NRXN1: variants seen among roughly 807,000 people sequenced by gnomAD.
NRXN1 encodes the protein neurexin 1.
A neutral mutation model predicts 150.9 loss-of-function variants in NRXN1; 39 were observed. The observed-to-expected ratio is 0.26, with a 90% confidence interval of 0.20 to 0.34. The LOEUF is 0.34. Among genes scored for constraint, NRXN1 ranks in the 10% least tolerant of loss-of-function variants. NRXN1 has a pLI of 1.00. For synonymous variants in NRXN1, 924 were observed against 757.0 expected (o/e 1.22, Z -3.62); for missense variants, 1,815 against 1,949.9 (o/e 0.93, Z 1.30).
intron 18 of NRXN1, among the ~76,000 whole-genome samples, chr2:50,198,419 T>C (rs1050913586): frequency 3.3e-5 from 5 of 152,106 alleles, no homozygotes; most frequent in African/African-American, 9.7e-5. Flanking sequence ...GCACCATCCC[T>C]ATTACATCAC....
chr2:50,443,153 C>G (rs75379458), intron 17 of NRXN1, among the ~76,000 whole-genome samples: 1,793 of 151,992 alleles, frequency 0.012, 35 homozygotes, highest in African/African-American at 0.039. Context: ...TCAAGAGAAG[C>G]AATGTTTGGT....
chr2:50,679,277 T>G (rs1048955744), intron 5 of NRXN1, among the ~76,000 whole-genome samples: 3 of 152,114 alleles, frequency 2.0e-5, no homozygotes, highest in African/African-American at 7.2e-5. Flanking sequence ...GGAAGGATTC[T>G]TGGAGTATGG....
intron 5 of NRXN1, among the ~76,000 whole-genome samples, chr2:50,912,727 A>G (rs984011675): frequency 6.6e-6 from 1 of 150,544 alleles, no homozygotes; most frequent in Non-Finnish European, 1.5e-5. Flanking sequence ...TGGTTCTCCT[A>G]TGGGCTTTCT....
intron 17 of NRXN1, among the ~76,000 whole-genome samples, chr2:50,393,801 C>A (rs2081891555): frequency 6.6e-6 from 1 of 151,928 alleles, no homozygotes; most frequent in South Asian, 2.1e-4. Flanking sequence ...ATACAATTCC[C>A]AGGAAAAAAG....
chr2:50,600,340 T>TTG (rs1676043077), intron 8 of NRXN1, among the ~76,000 whole-genome samples: 1 of 150,068 alleles, frequency 6.7e-6, no homozygotes, highest in South Asian at 2.1e-4. Flanking sequence ...TTTTTTTTTT[T>TTG]TTGAGACAGA....
intron 5 of NRXN1, among the ~76,000 whole-genome samples, chr2:50,676,109 G>A (rs1689505706): frequency 6.6e-6 from 1 of 152,050 alleles, no homozygotes; most frequent in South Asian, 2.1e-4. Context: ...CCCTCCCAGA[G>A]CTAATGATTT....
At chr2:50,559,783 TAAC>T (rs1396845398) in intron 8 of NRXN1, among the ~76,000 whole-genome samples, 1 of 152,152 alleles carries the variant, frequency 6.6e-6, no homozygotes, top group Non-Finnish European at 1.5e-5. Context: ...GTCAGAGACA[TAAC>T]AAAATATAAA....
At chr2:50,975,408 A>G (rs1437218409) in intron 2 of NRXN1, among the ~76,000 whole-genome samples, 2 of 152,088 alleles carry the variant, frequency 1.3e-5, no homozygotes, top group Non-Finnish European at 2.9e-5. Context: ...ACATACACAC[A>G]TACAAGTCTC....
intron 2 of NRXN1, among the ~76,000 whole-genome samples, chr2:50,946,064 T>G (rs1690334911): frequency 6.6e-6 from 1 of 151,844 alleles, no homozygotes; most frequent in South Asian, 2.1e-4. Context: ...TACTCAGAGC[T>G]GATCCAGTAA....
chr2:50,550,876 T>A (rs1402732012), intron 9 of NRXN1, among the ~76,000 whole-genome samples: 2 of 151,630 alleles, frequency 1.3e-5, no homozygotes, highest in East Asian at 3.9e-4. Flanking sequence ...AGAGACGGGG[T>A]TTCACCATGT....
rs535091649 is a variant in NRXN1 at position 50,476,304 on chromosome 2, G to GT, written c.3071-3834dup. On this transcript the variant is annotated intron_variant, in intron 15 of 22. Coordinates refer to ENST00000401669, the MANE Select transcript of NRXN1 (RefSeq NM_001330078.2). ...TGATATCATGAGTATCCATTCCGCAGTAATTGAGCAGTAATGACTAGGGAA... is the reference window on the plus strand; with the variant it reads ...TGATATCATGAGTATCCATTCCGCAGTTAATTGAGCAGTAATGACTAGGGAA... Among the ~76,000 whole-genome samples, 209 of 152,222 alleles carry GT rather than the reference G, an allele frequency of 1.4e-3. 1 individual carries two copies. Among genetic ancestry groups the GT allele is most frequent in the Middle Eastern group, 3.4e-3 (1 of 294 alleles).
At chr2:50,748,042 C>T (rs1469673905) in intron 5 of NRXN1, among the ~76,000 whole-genome samples, 1 of 152,166 alleles carries the variant, frequency 6.6e-6, no homozygotes, top group East Asian at 1.9e-4. Context: ...GATAATCTCA[C>T]AAGCATCACT....
intron 21 of NRXN1, among the ~76,000 whole-genome samples, chr2:50,034,288 T>G (rs1456211051): frequency 2.0e-5 from 3 of 152,082 alleles, no homozygotes; most frequent in African/African-American, 7.2e-5. Flanking sequence ...GTGGTATATG[T>G]ACACCATGGA....
intron 5 of NRXN1, among the ~76,000 whole-genome samples, chr2:50,689,829 C>T (rs1311967901): frequency 6.6e-6 from 1 of 151,046 alleles, no homozygotes; most frequent in Non-Finnish European, 1.5e-5. Context: ...TGAGGCTTCC[C>T]ATCAGCTTGT....
At chr2:50,481,936 T>G (rs1282170507) in intron 15 of NRXN1, among the ~76,000 whole-genome samples, 1 of 145,438 alleles carries the variant, frequency 6.9e-6, no homozygotes, top group African/African-American at 2.8e-5. Context: ...CGGCTAATTT[T>G]TTTTTGTATT....
chr2:50,655,539 T>G (rs1193136259), intron 5 of NRXN1, among the ~76,000 whole-genome samples: 1 of 152,032 alleles, frequency 6.6e-6, no homozygotes, highest in Non-Finnish European at 1.5e-5. Flanking sequence ...CGAAAGTTTT[T>G]GTTAATTGTT....
chr2:50,732,275 A>T (rs559057291), intron 5 of NRXN1, among the ~76,000 whole-genome samples: 1 of 152,304 alleles, frequency 6.6e-6, no homozygotes, highest in Admixed American at 6.5e-5. Context: ...TCATCAACTG[A>T]ATGAAGGGAG....
intron 17 of NRXN1, among the ~76,000 whole-genome samples, chr2:50,371,326 C>A (rs1358508227): frequency 1.3e-5 from 2 of 152,030 alleles, no homozygotes; most frequent in Admixed American, 6.6e-5. Flanking sequence ...GGAAATGAGG[C>A]TTTATTGCCT....
intron 5 of NRXN1, among the ~76,000 whole-genome samples, chr2:50,826,829 G>A (rs576874636): frequency 1.5e-4 from 23 of 152,222 alleles, no homozygotes; most frequent in African/African-American, 5.5e-4. Context: ...CATAAATTAG[G>A]AGCTCATTGC....
Sources: gnomAD v4.1 joint callset for allele counts (sites outside exome capture counted in the v4.1 genomes callset) on GRCh38, gnomAD v4.1.1 for gene constraint, MANE v1.5 for transcripts, NCBI Gene and HGNC (gene_info 2026-07-23, HGNC 2026-07-21) for gene names.